The following NBPF15 variants were observed in gnomAD, a reference collection of about 807,000 sequenced individuals.
NBPF15 encodes the protein NBPF family member NBPF15.
A neutral mutation model predicts 62.2 loss-of-function variants in NBPF15; 74 were observed. That is an observed-to-expected ratio of 1.19 (90% CI 0.99 to 1.44). NBPF15 has a LOEUF of 1.44. Ranked by LOEUF, NBPF15 falls within the 40% of genes most tolerant of loss-of-function variation. NBPF15 has a pLI of 0.00. For missense variants in NBPF15, 790 were observed against 550.0 expected (o/e 1.44, Z -4.36); for synonymous variants, 244 against 209.7 (o/e 1.16, Z -1.41).
chr1:144,427,368 T>C (rs1196087370), intron 16 of NBPF15, among the ~76,000 whole-genome samples: 7 of 129,414 alleles, frequency 5.4e-5, no homozygotes, highest in Non-Finnish European at 8.0e-5. Flanking sequence ...TGCCATATTT[T>C]TCCAATCGAT....
At chr1:144,452,003 T>G (rs1437754938) in intron 4 of NBPF15, among the ~76,000 whole-genome samples, 1 of 151,420 alleles carries the variant, frequency 6.6e-6, no homozygotes, top group Non-Finnish European at 1.5e-5. Flanking sequence ...AATACAAACA[T>G]TAGCCAGGTG....
rs1213417270 is a variant in NBPF15 at position 144,450,421 on chromosome 1, G to A, written c.-333+351C>T. 3.0e-4 allele frequency among the ~76,000 whole-genome samples: 45 copies of A among 151,976 alleles called. 1 individual carries two copies. The highest frequency in any genetic ancestry group is 5.0e-4 in the Non-Finnish European group (34 of 67,972). On this transcript the variant is annotated intron_variant, in intron 5 of 21. Transcript: ENST00000581897. Reference sequence around the variant, plus strand: ...CAGAGTGTCTCCCCGCTGACAGCCAGCACAGAAAAAGGGCCCTCAGCCCCC... The same window carrying A: ...CAGAGTGTCTCCCCGCTGACAGCCAACACAGAAAAAGGGCCCTCAGCCCCC...
chr1:144,457,528 G>T (rs1200712595), intron 3 of NBPF15, among the ~76,000 whole-genome samples: 7 of 151,992 alleles, frequency 4.6e-5, no homozygotes, highest in African/African-American at 1.7e-4. Flanking sequence ...GTGACACTTG[G>T]AGATTGTTGA....
intron 17 of NBPF15, 106 bp from the exon 18 acceptor site, chr1:144,426,556 G>A: frequency 2.7e-6 from 2 of 733,486 alleles, no homozygotes; most frequent in South Asian, 1.4e-5. Context: ...AAAGAAAAAG[G>A]ACGGATCCAT....
chr1:144,441,948 G>T (rs1292857229), intron 6 of NBPF15, among the ~76,000 whole-genome samples: 1 of 148,684 alleles, frequency 6.7e-6, no homozygotes, highest in East Asian at 2.0e-4. Flanking sequence ...ACTCATGGGT[G>T]GGAACTGAAC....
chr1:144,445,350 TATATACACACAC>T (rs1391309564), intron 6 of NBPF15, among the ~76,000 whole-genome samples: 4 of 115,684 alleles, frequency 3.5e-5, no homozygotes, highest in Middle Eastern at 8.4e-3. Context: ...TATATATATA[TATATACACACAC>T]ACACACACAC....
At chr1:144,458,695 T>C (rs1206652795) in intron 3 of NBPF15, among the ~76,000 whole-genome samples, 12 of 151,616 alleles carry the variant, frequency 7.9e-5, no homozygotes, top group African/African-American at 1.2e-4. Flanking sequence ...AGGAAAAGGA[T>C]AGTCTTTTCA....
chr1:144,433,270 C>T (rs1293742619), intron 13 of NBPF15, among the ~76,000 whole-genome samples: 2 of 152,012 alleles, frequency 1.3e-5, no homozygotes, highest in African/African-American at 4.8e-5. Context: ...AAAGACACAA[C>T]ATACCAGAAT....
intron 6 of NBPF15, among the ~76,000 whole-genome samples, chr1:144,445,564 C>T (rs1158467663): frequency 6.1e-5 from 9 of 148,618 alleles, no homozygotes; most frequent in Non-Finnish European, 8.9e-5. Context: ...TGAATTCATT[C>T]GCCATTATTC....
intron 6 of NBPF15, among the ~76,000 whole-genome samples, chr1:144,448,001 CAG>C (rs1688791632): frequency 6.6e-6 from 1 of 152,076 alleles, no homozygotes; most frequent in African/African-American, 2.4e-5. Context: ...TTTGTCCAGA[CAG>C]AGCCCACAAG....
At chr1:144,431,452 C>T (rs1169629166) in intron 13 of NBPF15, among the ~76,000 whole-genome samples, 4 of 147,650 alleles carry the variant, frequency 2.7e-5, no homozygotes, top group African/African-American at 7.9e-5. Context: ...GTATAGTTTT[C>T]CTTTATTATT....
chr1:144,461,173 C>T (rs1201492820), intron 1 of NBPF15, among the ~76,000 whole-genome samples: 11 of 152,124 alleles, frequency 7.2e-5, no homozygotes, highest in Non-Finnish European at 1.2e-4. Context: ...CCACAGAACA[C>T]CCGCCAGCGA....
intron 8 of NBPF15, among the ~76,000 whole-genome samples, chr1:144,438,286 T>C (rs2102144798): frequency 6.7e-6 from 1 of 150,338 alleles, no homozygotes; most frequent in East Asian, 1.9e-4. Flanking sequence ...GACAAGATGA[T>C]TCAACCACAA....
chr1:144,427,561 G>A (rs1193055026), intron 16 of NBPF15, among the ~76,000 whole-genome samples: 2 of 147,418 alleles, frequency 1.4e-5, no homozygotes, highest in African/African-American at 5.2e-5. Flanking sequence ...TGTCACATCT[G>A]CCCAGGTCCA....
At chr1:144,432,830 G>A (rs1186895549) in intron 13 of NBPF15, among the ~76,000 whole-genome samples, 1 of 151,944 alleles carries the variant, frequency 6.6e-6, no homozygotes, top group Non-Finnish European at 1.5e-5. Flanking sequence ...CCTACAAAGA[G>A]ATTTAGACTC....
chr1:144,441,253 A>T (rs1382532808), intron 6 of NBPF15, among the ~76,000 whole-genome samples: 1 of 151,332 alleles, frequency 6.6e-6, no homozygotes, highest in Non-Finnish European at 1.5e-5. Context: ...TGTTGGACAG[A>T]GTTTTGCAAA....
chr1:144,422,897 C>A lies in NBPF15; in HGVS notation c.*116G>T, dbSNP rs1178605047. 5 of 1,606,254 alleles carry A rather than the reference C, an allele frequency of 3.1e-6. No homozygotes were observed. The African/African-American group carries it at 5.4e-5, about 17-fold the overall frequency. On this transcript the variant is annotated 3_prime_UTR_variant, in exon 22 of 22. Coordinates refer to ENST00000581897, the MANE Select transcript of NBPF15 (RefSeq NM_001385408.1). ...GTTTGAGAATAGGAATAGAGCCATG[C>A]TCACTGACCCATCCTATGTCTGGGC...
chr1:144,427,933 A>C lies in NBPF15; in HGVS notation c.1098T>G (p.Asp366Glu). Residue 366 changes from aspartate (D) to glutamate (E), a missense_variant, in exon 16 of 22, where the codon GAT becomes GAG. Asp to Glu is a conservative substitution (Grantham distance 45). Coordinates refer to ENST00000581897, the MANE Select transcript of NBPF15 (RefSeq NM_001385408.1). ...KEPEVLQDSL[D>E]RCYSTPSGCL... ...AACCTGAAGGAGTTGAATAACATCTATCCAGTGAGTCCTGCAAGACTTCAG... is the reference window on the plus strand; with the variant it reads ...AACCTGAAGGAGTTGAATAACATCTCTCCAGTGAGTCCTGCAAGACTTCAG... 1.3e-6 allele frequency: 1 copy of C among 764,014 alleles called. No individual in the cohort carries two copies. Among genetic ancestry groups the C allele is most frequent in the Non-Finnish European group, 2.4e-6 (1 of 413,432 alleles). The allele number at this position is 764,014 out of a possible 1,614,324, so 47.3% of individuals were successfully genotyped here.
intron 6 of NBPF15, among the ~76,000 whole-genome samples, chr1:144,445,988 C>T (rs1452480086): frequency 6.8e-6 from 1 of 147,326 alleles, no homozygotes; most frequent in Non-Finnish European, 1.5e-5. Context: ...TCCCAAGTAG[C>T]TGGACTACAG....
Sources: allele counts gnomAD v4.1 joint callset (sites outside exome capture counted in the v4.1 genomes callset), GRCh38; gene constraint gnomAD v4.1.1; transcripts MANE v1.5; gene names NCBI Gene and HGNC (gene_info 2026-07-23, HGNC 2026-07-21).